NOP9: variants seen among roughly 807,000 people sequenced by gnomAD.
NOP9 encodes the protein NOP9 nucleolar protein, also known as nucleolar protein 9.
NOP9 carries 50 observed loss-of-function variants against 63.0 expected under a neutral mutation model. The ratio of observed to expected loss-of-function variants is 0.79; its 90% CI spans 0.63 to 1.00. The LOEUF (loss-of-function observed/expected upper bound fraction) is 1.00, where lower values mean the gene tolerates loss of function less well. NOP9 is among the 50% of genes least tolerant of loss of function. NOP9 has a pLI of 0.00. For synonymous variants in NOP9, 343 were observed against 332.8 expected (o/e 1.03, Z -0.33); for missense variants, 758 against 803.0 (o/e 0.94, Z 0.68).
At position 24,307,536 on chromosome 14, in the gene NOP9, T is replaced by A. The variant is rs775725642; in HGVS notation, c.*2441T>A. 6.2e-7 allele frequency: 1 copy of A among 1,609,660 alleles called. No individual in the cohort carries two copies. Among genetic ancestry groups the A allele is most frequent in the African/African-American group, 1.3e-5 (1 of 74,620 alleles). ...CTGACCTGGTAGTTGAGAAGAAAAGTCAAGAAGGGGCGAGGAGGGGCTTGG... is the reference window on the plus strand; with the variant it reads ...CTGACCTGGTAGTTGAGAAGAAAAGACAAGAAGGGGCGAGGAGGGGCTTGG... On this transcript the variant is annotated 3_prime_UTR_variant, in exon 10 of 10. Transcript: ENST00000267425.
Position 24,304,139 on chromosome 14 carries a change from T to A in NOP9, c.1509T>A (p.Leu503=). The A allele has an allele frequency of 6.2e-7, 1 of 1,614,240 alleles. No homozygotes were observed. The highest frequency in any genetic ancestry group is 8.5e-7 in the Non-Finnish European group (1 of 1,180,034). The part of the protein sequence containing the change: ...LLHFSTPGLV[L]RSLGALTGPQ... ...ACTTCTCCACTCCTGGTCTTGTACT[T>A]CGAAGTCTGGGTGCCTTGACGGGAC... Residue 503 remains leucine (L), a synonymous_variant, in exon 8 of 10, where the codon CTT becomes CTA. Transcript: ENST00000267425.
the NOP9 span, among the ~76,000 whole-genome samples, chr14:24,285,740 G>T: frequency 6.6e-6 from 1 of 152,172 alleles, no homozygotes; most frequent in South Asian, 2.1e-4. Context: ...TGTAATCCTA[G>T]TACTTTGGGA....
At chr14:24,287,399 GC>G in the NOP9 span, among the ~76,000 whole-genome samples, 66 of 152,326 alleles carry the variant, frequency 4.3e-4, 1 homozygote, top group Admixed American at 2.1e-3. Context: ...ACACACCAAA[GC>G]TGTTCCCTCG....
intron 2 of NOP9, 132 bp downstream of exon 2, chr14:24,300,989 C>G (rs942133699): frequency 2.6e-5 from 19 of 729,000 alleles, no homozygotes; most frequent in South Asian, 1.3e-4. Flanking sequence ...CTGTCCTAAT[C>G]TGAACAGGGC....
chr14:24,306,526 G>T lies in NOP9; in HGVS notation c.*1431G>T, dbSNP rs764683004. On this transcript the variant is annotated 3_prime_UTR_variant, in exon 10 of 10. Transcript: ENST00000267425. Reference sequence around the variant, plus strand: ...TTCAGCAGTAGGGTCTCCAATGCCTGCCCAATGGCAAGAAGCAAGAAGGGC... The same window carrying T: ...TTCAGCAGTAGGGTCTCCAATGCCTTCCCAATGGCAAGAAGCAAGAAGGGC... 1.2e-6 allele frequency: 2 copies of T among 1,614,202 alleles called. No individual in the cohort carries two copies. Among genetic ancestry groups the T allele is most frequent in the Non-Finnish European group, 1.7e-6 (2 of 1,180,030 alleles).
At chr14:24,299,741 AG>A (rs67238064), upstream of NOP9, 240,279 of 561,118 alleles carry the variant, frequency 0.43, 56,111 homozygotes, top group Middle Eastern at 0.53. Flanking sequence ...GCAGAGTCCC[AG>A]GCCAAAGTTA....
the NOP9 span, among the ~76,000 whole-genome samples, chr14:24,272,950 C>A: frequency 2.0e-5 from 3 of 152,174 alleles, no homozygotes; most frequent in East Asian, 5.8e-4. Context: ...CTCTAAAATG[C>A]CCCAGTCTGA....
At chr14:24,302,475 G>A (rs998697143) in intron 5 of NOP9, 51 bp downstream of exon 5, 8 of 1,532,754 alleles carry the variant, frequency 5.2e-6, no homozygotes, top group Non-Finnish European at 6.2e-6. Flanking sequence ...TTGATCACTG[G>A]ACCTTATTTT....
the NOP9 span, among the ~76,000 whole-genome samples, chr14:24,280,021 C>T: frequency 4.6e-5 from 7 of 152,126 alleles, no homozygotes; most frequent in Non-Finnish European, 8.8e-5. Context: ...TGGGGGAGCA[C>T]TCAGGCCTCG....
rs767612914 is a variant in NOP9, at chr14:24,304,973, G to A, written c.1789G>A (p.Gly597Ser). The stretch of plus-strand genomic sequence containing the variant: ...CCAGGAGCTGATAAGAGACCCTTTC[G>A]GCCACCATGTGGCTCGAAATGTGGC... ...QNQELIRDPF[G>S]HHVARNVALT... The change falls in exon 10 of 10, where the codon GGC becomes AGC. Residue 597 changes from glycine (G) to serine (S), a missense_variant. Transcript: ENST00000267425. 5 of 1,581,978 alleles carry A rather than the reference G, an allele frequency of 3.2e-6. No individual in the cohort carries two copies. The highest frequency in any genetic ancestry group is 1.2e-5 in the South Asian group (1 of 86,570).
At chr14:24,280,924 T>C in the NOP9 span, among the ~76,000 whole-genome samples, 1 of 152,090 alleles carries the variant, frequency 6.6e-6, no homozygotes, top group South Asian at 2.1e-4. Context: ...CACTCCAGGC[T>C]GTAGGGCCAG....
chr14:24,283,235 T>C, the NOP9 span, among the ~76,000 whole-genome samples: 1 of 152,216 alleles, frequency 6.6e-6, no homozygotes, highest in Non-Finnish European at 1.5e-5. Context: ...TGGCTCAAAA[T>C]GGCTTGCCAT....
chr14:24,291,324 A>G, the NOP9 span: 3 of 1,248,344 alleles, frequency 2.4e-6, no homozygotes, highest in Non-Finnish European at 3.5e-6. Context: ...GGAGCTCAGG[A>G]TCCCTGGAGA....
chr14:24,292,212 TC>T, the NOP9 span: 3 of 1,613,928 alleles, frequency 1.9e-6, no homozygotes, highest in Non-Finnish European at 2.5e-6. Context: ...CTGCAGGACC[TC>T]CTCCTTTGCC....
rs1594616239 is a variant in NOP9 at position 24,300,295 on chromosome 14, C to T, written c.247+94C>T. ...TCGGCAGGGCGTGGGGACTTAGTTTCATTTCCCATGTCCTCTTCCTCGGCC... is the reference window on the plus strand; with the variant it reads ...TCGGCAGGGCGTGGGGACTTAGTTTTATTTCCCATGTCCTCTTCCTCGGCC... On this transcript the variant is annotated intron_variant, in intron 1 of 9. Transcript: ENST00000267425. 14 of 1,568,084 alleles carry T rather than the reference C, an allele frequency of 8.9e-6. No homozygotes were observed. The East Asian group carries it at 2.9e-4, about 33-fold the overall frequency.
At position 24,307,338 on chromosome 14, in the gene NOP9, T is replaced by C. The variant is rs2041542164; in HGVS notation, c.*2243T>C. 1 of 1,597,440 alleles carries C rather than the reference T, an allele frequency of 6.3e-7. No individual in the cohort carries two copies. Among genetic ancestry groups the C allele is most frequent in the Non-Finnish European group, 8.5e-7 (1 of 1,170,654 alleles). Reference sequence around the variant, plus strand: ...TGTTGTGGAGCCCCTTGGCTACCCCTGCTATAGGAACCGAGGAACTTGGCC... The same window carrying C: ...TGTTGTGGAGCCCCTTGGCTACCCCCGCTATAGGAACCGAGGAACTTGGCC... On this transcript the variant is annotated 3_prime_UTR_variant, in exon 10 of 10. Transcript: ENST00000267425.
intron 8 of NOP9, 72 bp downstream of exon 8, chr14:24,304,349 T>C (rs892180984): frequency 7.2e-7 from 1 of 1,398,244 alleles, no homozygotes; most frequent in Non-Finnish European, 1.0e-6. Context: ...CCCTGGACTG[T>C]ACCTTCAGAC....
At chr14:24,291,418 G>A in the NOP9 span, 7 of 1,108,056 alleles carry the variant, frequency 6.3e-6, no homozygotes, top group Non-Finnish European at 9.6e-6. Context: ...TGGGAATGCT[G>A]ACCCCTTGGG....
chr14:24,273,877 T>C, the NOP9 span, among the ~76,000 whole-genome samples: 6 of 152,260 alleles, frequency 3.9e-5, no homozygotes, highest in South Asian at 1.2e-3. Context: ...TGTCTGAATT[T>C]CTTCAACAGT....
Sources: allele counts gnomAD v4.1 joint callset (sites outside exome capture counted in the v4.1 genomes callset), GRCh38; gene constraint gnomAD v4.1.1; transcripts MANE v1.5; gene names NCBI Gene and HGNC (gene_info 2026-07-23, HGNC 2026-07-21).